Variants in NRXN3 observed in about 807,000 individuals in gnomAD.
NRXN3 encodes neurexin III.
Under a neutral mutation model 137.6 loss-of-function variants are expected in NRXN3, and 32 were observed. That is an observed-to-expected ratio of 0.23 (90% CI 0.18 to 0.31). The LOEUF (loss-of-function observed/expected upper bound fraction) is 0.31. Among genes scored for constraint, NRXN3 ranks in the 10% least tolerant of loss-of-function variants. The probability of loss-of-function intolerance (pLI) is 1.00; values close to 1 mark genes in which losing one functional copy is unlikely to be tolerated. For synonymous variants in NRXN3, 798 were observed against 784.5 expected (o/e 1.02, Z -0.29); for missense variants, 1,574 against 2,062.5 (o/e 0.76, Z 4.59).
At chr14:79,534,764 A>G (rs992595105) in intron 16 of NRXN3, among the ~76,000 whole-genome samples, 7 of 152,214 alleles carry the variant, frequency 4.6e-5, no homozygotes, top group East Asian at 1.9e-4. Flanking sequence ...ATGAGTACAT[A>G]ATAGAAACGT....
rs374016405 is a variant in NRXN3 at position 79,126,405 on chromosome 14, A to G, written c.3262+138264A>G. ...TGTTCTCATTGTTCAATTCCCACCTATGAGTGAGAATATGCGGTGTTTGGT... is the reference window on the plus strand; with the variant it reads ...TGTTCTCATTGTTCAATTCCCACCTGTGAGTGAGAATATGCGGTGTTTGGT... On this transcript the variant is annotated intron_variant, in intron 15 of 20. Coordinates refer to ENST00000335750, the MANE Select transcript of NRXN3 (RefSeq NM_001330195.2). 2.3e-3 allele frequency among the ~76,000 whole-genome samples: 323 copies of G among 140,258 alleles called. 6 individuals are homozygous for G. The East Asian group carries it at 0.061, about 27-fold the overall frequency. 92.0% of individuals were successfully genotyped at this position (140,258 alleles called of 152,430 possible). A position where few individuals can be genotyped will look rare whatever the true frequency, so the allele number is the denominator to read the frequency against.
chr14:79,555,897 C>A (rs917880990), intron 16 of NRXN3, among the ~76,000 whole-genome samples: 4 of 152,136 alleles, frequency 2.6e-5, no homozygotes, highest in African/African-American at 9.7e-5. Flanking sequence ...AATTGCTCTA[C>A]TAAAATAACC....
chr14:79,759,257 A>G (rs532797758), intron 19 of NRXN3, among the ~76,000 whole-genome samples: 1 of 152,020 alleles, frequency 6.6e-6, no homozygotes, highest in Admixed American at 6.5e-5. Context: ...GCTAAGGCTT[A>G]AGAAGACCAA....
At chr14:78,269,692 G>A (rs1375990994) in intron 2 of NRXN3, among the ~76,000 whole-genome samples, 2 of 152,084 alleles carry the variant, frequency 1.3e-5, no homozygotes, top group East Asian at 1.9e-4. Context: ...CCCACACCCC[G>A]TATCACCATC....
chr14:79,299,122 G>T (rs1190458169), intron 15 of NRXN3, among the ~76,000 whole-genome samples: 1 of 152,196 alleles, frequency 6.6e-6, no homozygotes, highest in South Asian at 2.1e-4. Context: ...TTATTTATTT[G>T]CTTTTGTTTT....
chr14:79,759,740 G>T (rs182037503), intron 19 of NRXN3, among the ~76,000 whole-genome samples: 35 of 151,708 alleles, frequency 2.3e-4, no homozygotes, highest in Non-Finnish European at 4.7e-4. Context: ...GAATAATATG[G>T]ATTATTCTCA....
intron 15 of NRXN3, among the ~76,000 whole-genome samples, chr14:79,347,477 A>C (rs990665564): frequency 2.6e-5 from 4 of 151,146 alleles, no homozygotes; most frequent in Non-Finnish European, 5.9e-5. Context: ...GCTGGAGTGC[A>C]GTGGCGTGAT....
At chr14:79,107,257 T>A (rs1396372499) in intron 15 of NRXN3, among the ~76,000 whole-genome samples, 1 of 152,134 alleles carries the variant, frequency 6.6e-6, no homozygotes, top group Non-Finnish European at 1.5e-5. Context: ...ACACACCTAC[T>A]TCCTAAAGCC....
In NRXN3 at chr14:78,481,063, G is replaced by A. The variant is rs114087145; in HGVS notation, c.758-164057G>A. ...ATTTCTCTCTCCACAGCCAGGTGGTGGTGTAGAAAGTTAGTAAAGAATAAA... is the reference window on the plus strand; with the variant it reads ...ATTTCTCTCTCCACAGCCAGGTGGTAGTGTAGAAAGTTAGTAAAGAATAAA... On this transcript the variant is annotated intron_variant, in intron 4 of 20. Coordinates refer to ENST00000335750, the MANE Select transcript of NRXN3 (RefSeq NM_001330195.2). Among the ~76,000 whole-genome samples, 950 of 152,224 alleles carry A rather than the reference G, an allele frequency of 6.2e-3. 6 individuals carry two copies. The highest frequency in any genetic ancestry group is 0.022 in the African/African-American group (896 of 41,536).
At chr14:78,313,185 A>G (rs2078176561) in intron 4 of NRXN3, among the ~76,000 whole-genome samples, 2 of 152,154 alleles carry the variant, frequency 1.3e-5, no homozygotes, top group African/African-American at 2.4e-5. Context: ...AAAAAAATAC[A>G]TTTGAGGATT....
chr14:79,678,496 A>G (rs1448233213), intron 17 of NRXN3, among the ~76,000 whole-genome samples: 1 of 152,204 alleles, frequency 6.6e-6, no homozygotes, highest in Non-Finnish European at 1.5e-5. Context: ...TGTTTAGTAT[A>G]TATCCTCTAT....
intron 16 of NRXN3, among the ~76,000 whole-genome samples, chr14:79,655,690 CT>C (rs1187247428): frequency 1.3e-5 from 2 of 152,024 alleles, no homozygotes; most frequent in Non-Finnish European, 2.9e-5. Flanking sequence ...CCAGCTATTT[CT>C]TTGTTGTGTA....
At chr14:79,122,186 T>C (rs1013527260) in intron 15 of NRXN3, among the ~76,000 whole-genome samples, 1 of 152,212 alleles carries the variant, frequency 6.6e-6, no homozygotes. Context: ...AATTCCTCTG[T>C]GGTTGTTAAC....
At chr14:78,799,558 C>A (rs576359712) in intron 8 of NRXN3, among the ~76,000 whole-genome samples, 1 of 152,302 alleles carries the variant, frequency 6.6e-6, no homozygotes. Flanking sequence ...TCCAAAGTTG[C>A]TTCCACATTT....
intron 15 of NRXN3, among the ~76,000 whole-genome samples, chr14:79,064,205 G>C (rs1446095952): frequency 6.6e-6 from 1 of 152,176 alleles, no homozygotes; most frequent in East Asian, 1.9e-4. Context: ...GCCGTGAGTA[G>C]AGCCCAGGTG....
At chr14:78,528,034 A>G (rs539267440) in intron 4 of NRXN3, among the ~76,000 whole-genome samples, 1 of 152,318 alleles carries the variant, frequency 6.6e-6, no homozygotes, top group Non-Finnish European at 1.5e-5. Flanking sequence ...TTTAATTAGA[A>G]CTGCCCTGTA....
At chr14:79,808,070 C>G (rs2140731614) in intron 20 of NRXN3, among the ~76,000 whole-genome samples, 1 of 151,832 alleles carries the variant, frequency 6.6e-6, no homozygotes, top group East Asian at 1.9e-4. Context: ...AACCCCGTCT[C>G]TACTAATAAT....
intron 15 of NRXN3, among the ~76,000 whole-genome samples, chr14:79,327,429 A>G (rs751748760): frequency 6.6e-6 from 1 of 152,104 alleles, no homozygotes; most frequent in African/African-American, 2.4e-5. Flanking sequence ...TACTAACACC[A>G]TCTACATGGC....
intron 2 of NRXN3, among the ~76,000 whole-genome samples, chr14:78,273,978 G>T (rs2073189201): frequency 6.6e-6 from 1 of 152,220 alleles, no homozygotes; most frequent in African/African-American, 2.4e-5. Context: ...GCCTACAGGA[G>T]GCTGGCTGTG....
Sources: gnomAD v4.1 joint callset for allele counts (sites outside exome capture counted in the v4.1 genomes callset) on GRCh38, gnomAD v4.1.1 for gene constraint, MANE v1.5 for transcripts, NCBI Gene and HGNC (gene_info 2026-07-23, HGNC 2026-07-21) for gene names.